Variants in ZFYVE9 observed in about 807,000 individuals in gnomAD.
ZFYVE9 encodes zinc finger FYVE-type containing 9, also known as zinc finger FYVE domain-containing protein 9.
In ZFYVE9, 43 loss-of-function variants were observed where a neutral mutation model predicts 126.7. The ratio of observed to expected loss-of-function variants is 0.34; its 90% CI spans 0.27 to 0.44. The LOEUF is 0.44. Among genes scored for constraint, ZFYVE9 ranks in the 20% least tolerant of loss-of-function variants. ZFYVE9 has a pLI of 1.00. For missense variants in ZFYVE9, 1,476 were observed against 1,697.0 expected, an observed-to-expected ratio of 0.87 and a Z score of 2.29; for synonymous variants, 521 against 597.4, an observed-to-expected ratio of 0.87 and a Z score of 1.87.
intron 2 of ZFYVE9, among the ~76,000 whole-genome samples, chr1:52,224,063 G>A (rs1329546989): frequency 1.3e-5 from 2 of 152,082 alleles, no homozygotes; most frequent in East Asian, 1.9e-4. Context: ...AGTTAAGGGG[G>A]CATTTACAAA....
intron 4 of ZFYVE9, among the ~76,000 whole-genome samples, chr1:52,242,645 G>C (rs990066533): frequency 4.6e-5 from 7 of 151,870 alleles, no homozygotes; most frequent in Non-Finnish European, 8.8e-5. Flanking sequence ...TTAGTCATGT[G>C]TATTGTTCCT....
intron 17 of ZFYVE9, among the ~76,000 whole-genome samples, chr1:52,343,970 G>A (rs969862923): frequency 6.6e-6 from 1 of 151,894 alleles, no homozygotes; most frequent in Non-Finnish European, 1.5e-5. Flanking sequence ...TACTCAGGAG[G>A]CTGAAGCAGG....
chr1:52,184,593 G>A (rs1021728276), intron 1 of ZFYVE9, among the ~76,000 whole-genome samples: 1 of 147,496 alleles, frequency 6.8e-6, no homozygotes, highest in Non-Finnish European at 1.5e-5. Flanking sequence ...GGTGGCGGGT[G>A]GTGGGGAGCG....
At chr1:52,212,802 AAG>A (rs1196767861) in intron 1 of ZFYVE9, among the ~76,000 whole-genome samples, 1 of 152,194 alleles carries the variant, frequency 6.6e-6, no homozygotes, top group Non-Finnish European at 1.5e-5. Flanking sequence ...TCGTTTTGTA[AAG>A]AGAGAAATTA....
chr1:52,242,988 G>A (rs561870838), intron 4 of ZFYVE9, among the ~76,000 whole-genome samples: 3 of 152,270 alleles, frequency 2.0e-5, no homozygotes, highest in Non-Finnish European at 2.9e-5. Flanking sequence ...ATGCAGTATT[G>A]TCTTTGTCTT....
intron 2 of ZFYVE9, among the ~76,000 whole-genome samples, chr1:52,232,754 A>T (rs943410734): frequency 6.7e-6 from 1 of 150,330 alleles, no homozygotes; most frequent in African/African-American, 2.4e-5. Context: ...AAAAAAAAAA[A>T]GGAATAACCA....
chr1:52,239,521 G>C lies in ZFYVE9; in HGVS notation c.2104G>C (p.Ala702Pro). ...VAPVWVPDSQ[A>P]PNCMKCEARF... ...TCCAGTATGGGTACCGGATTCTCAG[G>C]CTCCAAATTGCATGAAATGTGAAGC... is the stretch of plus-strand genomic sequence containing the variant. Residue 702 changes from alanine (A) to proline (P), a missense_variant, in exon 4 of 19, where the codon GCT becomes CCT. This residue lies in a region of ZFYVE9 where 669 missense variants were observed against 902.4 expected (regional missense o/e 0.74). Coordinates refer to ENST00000287727, the MANE Select transcript of ZFYVE9 (RefSeq NM_004799.4). The C allele has an allele frequency of 6.2e-7, 1 of 1,614,092 alleles. No individual in the cohort carries two copies. Among genetic ancestry groups the C allele is most frequent in the Non-Finnish European group, 8.5e-7 (1 of 1,180,002 alleles).
In ZFYVE9 at chr1:52,159,726, G is replaced by A. The variant is rs533132266; in HGVS notation, c.-143+17323G>A. Among the ~76,000 whole-genome samples, 9 of 152,282 alleles carry A rather than the reference G, an allele frequency of 5.9e-5. No homozygotes were observed. In the South Asian group the frequency reaches 8.3e-4, roughly 14 times the overall value. Reference sequence around the variant, plus strand: ...TTATTTCATAAAGGTTGATATAAGCGACATACCTCCATGGCTGCAACATGT... The same window carrying A: ...TTATTTCATAAAGGTTGATATAAGCAACATACCTCCATGGCTGCAACATGT... On this transcript the variant is annotated intron_variant, in intron 1 of 18. Coordinates refer to ENST00000287727, the MANE Select transcript of ZFYVE9 (RefSeq NM_004799.4).
chr1:52,220,586 T>C (rs1001076521), intron 2 of ZFYVE9, among the ~76,000 whole-genome samples: 1 of 152,198 alleles, frequency 6.6e-6, no homozygotes, highest in African/African-American at 2.4e-5. Flanking sequence ...GATGCAACCA[T>C]CTTCCACTTG....
intron 3 of ZFYVE9, among the ~76,000 whole-genome samples, chr1:52,233,677 C>A (rs1645245306): frequency 6.6e-6 from 1 of 152,140 alleles, no homozygotes; most frequent in Admixed American, 6.5e-5. Context: ...TATTGATTGC[C>A]CAATAAAGTA....
rs1215793138 is a variant in ZFYVE9, at chr1:52,237,759, G to A, written c.342G>A (p.Gln114=). ...ATGAAAATGCTGTTGCAGAAGACCA[G>A]TTAATTAAGAGAAACTATAGTTGGG... is the stretch of plus-strand genomic sequence containing the variant. ...WIDENAVAED[Q]LIKRNYSWDD... Residue 114 remains glutamine, a synonymous_variant, in exon 4 of 19, where the codon CAG becomes CAA. Transcript: ENST00000287727. 1.2e-6 allele frequency: 2 copies of A among 1,614,118 alleles called. No homozygotes were observed. The highest frequency in any genetic ancestry group is 1.3e-5 in the African/African-American group (1 of 75,066).
At chr1:52,150,533 G>T (rs1644346075) in intron 1 of ZFYVE9, 1 of 152,248 alleles carries the variant, frequency 6.6e-6, no homozygotes, top group Non-Finnish European at 1.5e-5. Context: ...TTGGGAGGCC[G>T]AGGTGGATGG....
chr1:52,176,564 C>G (rs959214923), intron 1 of ZFYVE9, among the ~76,000 whole-genome samples: 1 of 152,172 alleles, frequency 6.6e-6, no homozygotes, highest in African/African-American at 2.4e-5. Flanking sequence ...TTACTGCTGT[C>G]TTTTTGTTTG....
At position 52,142,917 on chromosome 1, in the gene ZFYVE9, G is replaced by A. The variant is rs1644273995; in HGVS notation, c.-143+514G>A. ...CAAGAGAGCCCCTGCTACTCCTGGA[G>A]TGTCATTCATGGATCTGGCTTGCTC... On this transcript the variant is annotated intron_variant, in intron 1 of 18. Transcript: ENST00000287727. The surrounding 1 kb of genome is among the most constrained non-coding windows in gnomAD (Gnocchi z 4.5). Among the ~76,000 whole-genome samples the A allele has an allele frequency of 6.6e-6, 1 of 152,160 alleles. No homozygotes were observed. The highest frequency in any genetic ancestry group is 2.1e-4 in the South Asian group (1 of 4,834).
chr1:52,160,570 C>T (rs1644448239), intron 1 of ZFYVE9: 1 of 745,840 alleles, frequency 1.3e-6, no homozygotes, highest in African/African-American at 1.7e-5. Flanking sequence ...TCATGACCTT[C>T]ACATTACCAA....
chr1:52,149,087 T>C (rs1246698693), intron 1 of ZFYVE9, among the ~76,000 whole-genome samples: 1 of 147,630 alleles, frequency 6.8e-6, no homozygotes, highest in African/African-American at 2.5e-5. Flanking sequence ...ACCCAGCCTC[T>C]CGAGTAGCTG....
At position 52,340,108 on chromosome 1, in the gene ZFYVE9, C is replaced by T. The variant is rs761525082; in HGVS notation, c.3834-18C>T. ...AACTTCAAGAGCTGCTTCTATCTTT[C>T]CTTTGCCTCTATTTTAGTGTCGTAA... On this transcript the variant is annotated intron_variant, in intron 16 of 18. Coordinates refer to ENST00000287727, the MANE Select transcript of ZFYVE9 (RefSeq NM_004799.4). The T allele has an allele frequency of 3.1e-6, 5 of 1,596,278 alleles. No homozygotes were observed. The East Asian group carries it at 8.9e-5, about 29-fold the overall frequency.
intron 1 of ZFYVE9, chr1:52,179,859 A>G (rs1019806953): frequency 4.2e-6 from 3 of 706,558 alleles, no homozygotes; most frequent in South Asian, 1.5e-5. Flanking sequence ...CAGGACCCCA[A>G]CGCAGACACT....
intron 4 of ZFYVE9, among the ~76,000 whole-genome samples, chr1:52,255,223 C>G (rs145711730): frequency 9.2e-5 from 14 of 152,174 alleles, no homozygotes; most frequent in African/African-American, 3.4e-4. Context: ...CAAGCTTATG[C>G]TTTGTTTACA....
Sources: gnomAD v4.1 joint callset for allele counts (sites outside exome capture counted in the v4.1 genomes callset) on GRCh38, gnomAD v4.1.1 for gene constraint, gnomAD v4.1.1 regional missense constraint, Gnocchi (gnomAD v3.1) non-coding constraint, MANE v1.5 for transcripts, NCBI Gene and HGNC (gene_info 2026-07-23, HGNC 2026-07-21) for gene names.